The following CDK5RAP2 variants were observed in gnomAD, a reference collection of about 807,000 sequenced individuals.
The protein encoded by CDK5RAP2 is CDK5 regulatory subunit-associated protein 2.
Under a neutral mutation model 232.9 loss-of-function variants are expected in CDK5RAP2, and 147 were observed. The ratio of observed to expected loss-of-function variants is 0.63; its 90% confidence interval spans 0.55 to 0.72. The LOEUF (loss-of-function observed/expected upper bound fraction) is 0.72, where lower values mean the gene tolerates loss of function less well. Ranked by LOEUF, CDK5RAP2 falls within the 30% of genes least tolerant of loss-of-function variation. The pLI, the probability that CDK5RAP2 is intolerant of heterozygous loss-of-function variation, is 0.00. For missense variants in CDK5RAP2, 2,195 were observed against 2,231.5 expected, an observed-to-expected ratio of 0.98 and a Z score of 0.33; for synonymous variants, 833 against 833.7, an observed-to-expected ratio of 1.00 and a Z score of 0.01.
At chr9:120,486,359 G>A (rs912884006) in intron 14 of CDK5RAP2, among the ~76,000 whole-genome samples, 1 of 146,816 alleles carries the variant, frequency 6.8e-6, no homozygotes, top group African/African-American at 2.5e-5. Context: ...TTGCATAAGA[G>A]TTCTCTATCT....
At chr9:120,543,487 A>G (rs773596565) in intron 5 of CDK5RAP2, among the ~76,000 whole-genome samples, 13 of 152,044 alleles carry the variant, frequency 8.6e-5, no homozygotes, top group Non-Finnish European at 1.8e-4. Flanking sequence ...GTTAATTCCT[A>G]CTTATCTTTC....
intron 28 of CDK5RAP2, among the ~76,000 whole-genome samples, chr9:120,413,508 T>C (rs2033982105): frequency 6.6e-6 from 1 of 152,240 alleles, no homozygotes; most frequent in Non-Finnish European, 1.5e-5. Flanking sequence ...CAGCACGTCT[T>C]TCCACCAGTG....
At chr9:120,545,082 C>G (rs1767294115) in intron 5 of CDK5RAP2, among the ~76,000 whole-genome samples, 1 of 152,060 alleles carries the variant, frequency 6.6e-6, no homozygotes, top group African/African-American at 2.4e-5. Context: ...AGGAGAACCT[C>G]TCTCAAGCAA....
intron 18 of CDK5RAP2, among the ~76,000 whole-genome samples, chr9:120,462,044 G>A (rs1334330726): frequency 6.6e-6 from 1 of 152,112 alleles, no homozygotes; most frequent in Non-Finnish European, 1.5e-5. Context: ...CAACCTTGTT[G>A]TGGAAGAAAA....
chr9:120,485,484 G>C (rs372340140), intron 14 of CDK5RAP2, among the ~76,000 whole-genome samples: 1 of 151,916 alleles, frequency 6.6e-6, no homozygotes, highest in Non-Finnish European at 1.5e-5. Flanking sequence ...TAGTAGAGAC[G>C]GGGTTTCACC....
intron 1 of CDK5RAP2, among the ~76,000 whole-genome samples, chr9:120,577,648 T>C (rs1234297108): frequency 2.0e-5 from 3 of 152,240 alleles, no homozygotes; most frequent in African/African-American, 4.8e-5. Context: ...GTTGAGTAGT[T>C]ACTCTGGGTC....
chr9:120,417,894 C>T (rs576323811), intron 27 of CDK5RAP2, among the ~76,000 whole-genome samples: 1 of 152,212 alleles, frequency 6.6e-6, no homozygotes, highest in East Asian at 1.9e-4. Context: ...CACAGATATC[C>T]CCTGCAGCAT....
At position 120,529,919 on chromosome 9, in the gene CDK5RAP2, T is replaced by A. The variant is rs146553321; in HGVS notation, c.825+59A>T. The A allele has an allele frequency of 2.0e-4, 307 of 1,520,914 alleles. 3 individuals are homozygous for A. The African/African-American group carries it at 3.7e-3, about 18-fold the overall frequency. 94.2% of individuals were successfully genotyped at this position (1,520,914 alleles called of 1,614,324 possible). A position where few individuals can be genotyped will look rare whatever the true frequency, so the allele number is the denominator to read the frequency against. On this transcript the variant is annotated intron_variant, in intron 8 of 37. Transcript: ENST00000349780. ...ATGAGGACCGAATGCGCATTCCATC[T>A]CCCACAGAGGAGTCTGGTTGGCTAA... is the stretch of plus-strand genomic sequence containing the variant.
In CDK5RAP2 at chr9:120,403,120, C is replaced by A; in HGVS notation, c.5042-49G>T. 1 of 1,591,096 alleles carries A rather than the reference C, an allele frequency of 6.3e-7. No homozygotes were observed. Among genetic ancestry groups the A allele is most frequent in the South Asian group, 1.1e-5 (1 of 90,398 alleles). On this transcript the variant is annotated intron_variant, in intron 33 of 37. Transcript: ENST00000349780. The surrounding 1 kb of genome is among the most constrained non-coding windows in gnomAD (Gnocchi z 4.2). ...AAAATCTGTTTCAGGTAACACTCTG[C>A]GTTCAAGACGCTTATGATGTTGAAG...
chr9:120,427,248 T>C (rs774513329), intron 25 of CDK5RAP2, among the ~76,000 whole-genome samples: 16 of 152,178 alleles, frequency 1.1e-4, no homozygotes, highest in Non-Finnish European at 5.9e-5. Context: ...ACACTAACAA[T>C]AGCCAATGAG....
intron 12 of CDK5RAP2, among the ~76,000 whole-genome samples, chr9:120,500,713 T>C (rs992155069): frequency 6.6e-6 from 1 of 152,166 alleles, no homozygotes; most frequent in African/African-American, 2.4e-5. Flanking sequence ...CATAAGCTCA[T>C]TTTCCCCCTA....
At position 120,530,048 on chromosome 9, in the gene CDK5RAP2, T is replaced by G; in HGVS notation, c.755A>C (p.Glu252Ala). Residue 252 changes from glutamate to alanine, a missense_variant, in exon 8 of 38, where the codon GAG (glutamate) becomes GCG (alanine). Glu to Ala is a moderately radical substitution (Grantham distance 107). Transcript: ENST00000349780. ...EEKSQMACPD[E>A]NVSSGELRGL... ...TCGGAGCTCTCCAGATGACACATTC[T>G]CATCAGGACATGCCATCTGAGATTT... 2 of 1,614,004 alleles carry G rather than the reference T, an allele frequency of 1.2e-6. No individual in the cohort carries two copies. Among genetic ancestry groups the G allele is most frequent in the Non-Finnish European group, 8.5e-7 (1 of 1,179,876 alleles).
chr9:120,538,652 G>A (rs1033152262), intron 6 of CDK5RAP2, among the ~76,000 whole-genome samples: 3 of 152,118 alleles, frequency 2.0e-5, no homozygotes, highest in Non-Finnish European at 2.9e-5. Context: ...TTCTCTGGCC[G>A]TCAGCTTCCA....
chr9:120,446,321 G>T (rs182218904), intron 22 of CDK5RAP2, among the ~76,000 whole-genome samples: 2 of 152,098 alleles, frequency 1.3e-5, no homozygotes, highest in African/African-American at 4.8e-5. Flanking sequence ...CCACCTCGTG[G>T]GTTCAAGCAA....
Position 120,437,389 on chromosome 9 carries a change from G to A in CDK5RAP2, c.3861C>T (p.Ala1287=). 1 of 1,614,086 alleles carries A rather than the reference G, an allele frequency of 6.2e-7. No homozygotes were observed. The highest frequency in any genetic ancestry group is 8.5e-7 in the Non-Finnish European group (1 of 1,179,998). Residue 1287 remains alanine (A), a synonymous_variant, in exon 25 of 38, where the codon GCC becomes GCT. Transcript: ENST00000349780. ...CGGCCACACAGTAATCCACATCACTGGCCTGCAGCAACTCCTCAAATGCCT... is the reference window on the plus strand; with the variant it reads ...CGGCCACACAGTAATCCACATCACTAGCCTGCAGCAACTCCTCAAATGCCT... The part of the protein sequence containing the change: ...MIKAFEELLQ[A]SDVDYCVAEG...
intron 35 of CDK5RAP2, among the ~76,000 whole-genome samples, chr9:120,399,890 CAG>C (rs1156321890): frequency 6.6e-6 from 1 of 152,178 alleles, no homozygotes; most frequent in Non-Finnish European, 1.5e-5. Flanking sequence ...ACCTTCAGAG[CAG>C]AGAGAGCTGC....
intron 1 of CDK5RAP2, 119 bp from the exon 2 acceptor site, chr9:120,572,160 C>G (rs994300828): frequency 9.8e-6 from 8 of 815,484 alleles, no homozygotes. Context: ...CACAGCTGGG[C>G]TACCTATGTG....
intron 21 of CDK5RAP2, among the ~76,000 whole-genome samples, chr9:120,453,131 G>C (rs539303178): frequency 6.6e-6 from 1 of 152,206 alleles, no homozygotes; most frequent in Admixed American, 6.5e-5. Context: ...ACATGAAAGA[G>C]ACAGCTACAG....
chr9:120,466,672 T>C (rs1276731981), intron 18 of CDK5RAP2, among the ~76,000 whole-genome samples: 1 of 152,174 alleles, frequency 6.6e-6, no homozygotes, highest in Non-Finnish European at 1.5e-5. Context: ...ATCGCAGATA[T>C]TCTTGGTTTT....
Sources: gnomAD v4.1 joint callset for allele counts (sites outside exome capture counted in the v4.1 genomes callset) on GRCh38, gnomAD v4.1.1 for gene constraint, Gnocchi (gnomAD v3.1) non-coding constraint, MANE v1.5 for transcripts, NCBI Gene and HGNC (gene_info 2026-07-23, HGNC 2026-07-21) for gene names.